CACNA1C: variants seen among roughly 807,000 people sequenced by gnomAD.
CACNA1C encodes the protein calcium voltage-gated channel subunit alpha1 C.
CACNA1C carries 30 observed loss-of-function variants against 229.0 expected under a neutral mutation model. The observed-to-expected ratio is 0.13, with a 90% CI of 0.10 to 0.18. The LOEUF (loss-of-function observed/expected upper bound fraction) is 0.18. CACNA1C is among the 10% of genes least tolerant of loss of function. The pLI is 1.00. For synonymous variants in CACNA1C, 1,114 were observed against 1,132.5 expected, an observed-to-expected ratio of 0.98 and a Z score of 0.33; for missense variants, 1,658 against 2,845.0, an observed-to-expected ratio of 0.58 and a Z score of 9.49.
intron 5 of CACNA1C, among the ~76,000 whole-genome samples, chr12:2,464,006 T>G (rs1309127253): frequency 6.6e-6 from 1 of 152,176 alleles, no homozygotes; most frequent in Non-Finnish European, 1.5e-5. Flanking sequence ...TACATTTGCT[T>G]GTGAAGCAGT....
rs1405981429 is a variant in CACNA1C, at chr12:2,647,282, G to C, written c.3913-1193G>C. On this transcript the variant is annotated intron_variant, in intron 30 of 46. Transcript: ENST00000399655. The surrounding 1 kb of genome is among the most constrained non-coding windows in gnomAD (Gnocchi z 4.2). ...GCTCAGATGGTCAAGATCAGTCGGG[G>C]CTGAGCCCTCTGTGCTGGAGCCCAA... Among the ~76,000 whole-genome samples the C allele has an allele frequency of 1.3e-5, 2 of 152,170 alleles. No individual in the cohort carries two copies. The highest frequency in any genetic ancestry group is 2.9e-5 in the Non-Finnish European group (2 of 68,036).
chr12:1,986,277 T>C (rs2037754660), intron 1 of CACNA1C, among the ~76,000 whole-genome samples: 2 of 152,176 alleles, frequency 1.3e-5, no homozygotes, highest in South Asian at 2.1e-4. Context: ...CATGAGTTCC[T>C]AGACAGAATT....
chr12:2,668,035 C>G (rs1036729576), intron 37 of CACNA1C, among the ~76,000 whole-genome samples: 1 of 152,240 alleles, frequency 6.6e-6, no homozygotes, highest in Non-Finnish European at 1.5e-5. Flanking sequence ...TGTCAGCAAG[C>G]TTCTGCTCCA....
At chr12:2,674,338 A>C in intron 38 of CACNA1C, 3 of 689,336 alleles carry the variant, frequency 4.4e-6, no homozygotes, top group Non-Finnish European at 4.6e-6. Context: ...GGAAGGGGGA[A>C]GGAAGGAAGG....
At chr12:2,191,049 G>C (rs994238143) in intron 3 of CACNA1C, among the ~76,000 whole-genome samples, 1 of 152,130 alleles carries the variant, frequency 6.6e-6, no homozygotes. Context: ...CCAGTGCCGT[G>C]CCCAGGAGGA....
rs1216212969 is a variant in CACNA1C, at chr12:2,646,770, GA to G, written c.3913-1704del. ...CCTGTATGAGAGAGAGAGAGAGAAA[GA>G]GAGAGAGAGAGAGAGAGAGTGTGTG... is the stretch of plus-strand genomic sequence containing the variant. On this transcript the variant is annotated intron_variant, in intron 30 of 46. Coordinates refer to ENST00000399655, the MANE Select transcript of CACNA1C (RefSeq NM_000719.7). This position sits in a 1 kb window ranked among gnomAD's most constrained non-coding sequence, Gnocchi z 4.6. 1.4e-5 allele frequency among the ~76,000 whole-genome samples: 1 copy of G among 73,730 alleles called. No homozygotes were observed. Among genetic ancestry groups the G allele is most frequent in the East Asian group, 3.1e-4 (1 of 3,194 alleles). The allele number at this position is 73,730 out of a possible 152,430, so 48.4% of individuals were successfully genotyped here. A position where few individuals can be genotyped will look rare whatever the true frequency, so the allele number is the denominator to read the frequency against.
chr12:2,077,061 A>G (rs1223907528), intron 1 of CACNA1C, among the ~76,000 whole-genome samples: 2 of 152,256 alleles, frequency 1.3e-5, no homozygotes, highest in Non-Finnish European at 2.9e-5. Context: ...CGCATTGCCC[A>G]CTTAAGTTTG....
intron 29 of CACNA1C, chr12:2,614,234 T>C (rs1350403750): frequency 6.6e-6 from 1 of 152,212 alleles, no homozygotes; most frequent in Non-Finnish European, 1.5e-5. Context: ...TGTGAGAAGA[T>C]GGGGCAAGAT....
At chr12:2,487,209 A>G (rs2099701207) in intron 6 of CACNA1C, among the ~76,000 whole-genome samples, 1 of 151,994 alleles carries the variant, frequency 6.6e-6, no homozygotes, top group South Asian at 2.1e-4. Flanking sequence ...TTCACACAGC[A>G]AGATCCATCA....
intron 9 of CACNA1C, among the ~76,000 whole-genome samples, chr12:2,541,236 A>C (rs118108065): frequency 3.3e-5 from 5 of 152,286 alleles, no homozygotes; most frequent in Admixed American, 6.5e-5. Flanking sequence ...AGGGGATATA[A>C]CTCAACTCAC....
At chr12:2,525,399 TC>T (rs2099816853) in intron 9 of CACNA1C, among the ~76,000 whole-genome samples, 1 of 152,122 alleles carries the variant, frequency 6.6e-6, no homozygotes, top group Non-Finnish European at 1.5e-5. Context: ...TCCTGGAGGC[TC>T]CAGGATAAAC....
chr12:2,004,756 T>G (rs2043059481), intron 1 of CACNA1C: 1 of 341,022 alleles, frequency 2.9e-6, no homozygotes, highest in Admixed American at 4.7e-5. Context: ...CCTTCTTGGA[T>G]GTGTTCGACC....
chr12:2,602,053 C>A lies in CACNA1C; in HGVS notation c.2960+93C>A. The A allele has an allele frequency of 1.2e-6, 1 of 812,048 alleles. No individual in the cohort carries two copies. Among genetic ancestry groups the A allele is most frequent in the Non-Finnish European group, 2.1e-6 (1 of 466,818 alleles). The allele number at this position is 812,048 out of a possible 1,614,324, so 50.3% of individuals were successfully genotyped here. A position where few individuals can be genotyped will look rare whatever the true frequency, so the allele number is the denominator to read the frequency against. On this transcript the variant is annotated intron_variant, in intron 22 of 46. Transcript: ENST00000399655. This position sits in a 1 kb window ranked among gnomAD's most constrained non-coding sequence, Gnocchi z 4.4. ...GACCCTGGAGGGCCTGCCTGCAGGG[C>A]CACCGCAGTGTGATGAGAGTGGGGT...
At position 2,589,875 on chromosome 12, in the gene CACNA1C, C is replaced by T. The variant is rs147766198; in HGVS notation, c.2531-3338C>T. ...AGGTAGGACCAGCTGGATTCACTCA[C>T]AGCTTAGATGTTGGAGAGAGGGAAA... On this transcript the variant is annotated intron_variant, in intron 18 of 46. Coordinates refer to ENST00000399655, the MANE Select transcript of CACNA1C (RefSeq NM_000719.7). Among the ~76,000 whole-genome samples, 63 of 152,308 alleles carry T rather than the reference C, an allele frequency of 4.1e-4. 2 individuals are homozygous for T. The highest frequency in any genetic ancestry group is 1.5e-3 in the African/African-American group (61 of 41,556).
intron 9 of CACNA1C, among the ~76,000 whole-genome samples, chr12:2,518,307 G>T: frequency 6.6e-6 from 1 of 152,106 alleles, no homozygotes; most frequent in South Asian, 2.1e-4. Flanking sequence ...ATAGTTATTT[G>T]ATCTTTAAAA....
chr12:2,061,729 C>T (rs1460928982), intron 1 of CACNA1C, among the ~76,000 whole-genome samples: 6 of 152,194 alleles, frequency 3.9e-5, no homozygotes, highest in Non-Finnish European at 8.8e-5. Context: ...AAAATAGGGC[C>T]ATTGAGGGCA....
intron 1 of CACNA1C, chr12:1,993,438 A>T (rs1196148848): frequency 6.3e-7 from 1 of 1,589,918 alleles, no homozygotes; most frequent in Non-Finnish European, 8.6e-7. Context: ...CAAATTGCTT[A>T]GTATGCTATA....
chr12:2,188,765 G>C (rs781625028), intron 3 of CACNA1C, among the ~76,000 whole-genome samples: 1 of 152,050 alleles, frequency 6.6e-6, no homozygotes, highest in Non-Finnish European at 1.5e-5. Flanking sequence ...GATCCCAGAT[G>C]ATACTAAATC....
intron 3 of CACNA1C, among the ~76,000 whole-genome samples, chr12:2,211,050 C>G (rs1245227369): frequency 6.6e-6 from 1 of 152,172 alleles, no homozygotes; most frequent in Non-Finnish European, 1.5e-5. Context: ...GTTCTATTCT[C>G]TAGTTAGTGT....
Sources: allele counts gnomAD v4.1 joint callset (sites outside exome capture counted in the v4.1 genomes callset), GRCh38; gene constraint gnomAD v4.1.1; non-coding constraint Gnocchi (gnomAD v3.1); transcripts MANE v1.5; gene names NCBI Gene and HGNC (gene_info 2026-07-23, HGNC 2026-07-21).